Variants in MTR observed in about 807,000 individuals in gnomAD.
The protein encoded by MTR is methionine synthase.
In MTR, 84 loss-of-function variants were observed where a neutral mutation model predicts 154.8. The observed-to-expected ratio is 0.54, with a 90% CI of 0.45 to 0.65. MTR has a LOEUF of 0.65. MTR is among the 30% of genes least tolerant of loss of function. The pLI, the probability that MTR is intolerant of heterozygous loss-of-function variation, is 0.00. For synonymous variants in MTR, 554 were observed against 553.9 expected, an observed-to-expected ratio of 1.00 and a Z score of 0.00; for missense variants, 1,275 against 1,570.2, an observed-to-expected ratio of 0.81 and a Z score of 3.18.
Position 236,862,286 on chromosome 1 carries a change from T to G in MTR, c.2247T>G (p.Pro749=). The G allele has an allele frequency of 6.2e-7, 1 of 1,614,034 alleles. No individual in the cohort carries two copies. Among genetic ancestry groups the G allele is most frequent in the Non-Finnish European group, 8.5e-7 (1 of 1,179,916 alleles). Residue 749 remains proline, a synonymous_variant, in exon 21 of 33, where the codon CCT becomes CCG. Transcript: ENST00000366577. ...VMKKAVGHLI[P]FMEKEREETR... is the part of the protein sequence containing the mutation. ...AGAAGGCTGTTGGCCACCTTATCCCTTTCATGGAAAAAGAAAGAGAAGAAA... is the reference window on the plus strand; with the variant it reads ...AGAAGGCTGTTGGCCACCTTATCCCGTTCATGGAAAAAGAAAGAGAAGAAA...
intron 15 of MTR, among the ~76,000 whole-genome samples, chr1:236,844,973 C>G (rs1663485190): frequency 6.6e-6 from 1 of 152,168 alleles, no homozygotes; most frequent in Non-Finnish European, 1.5e-5. Flanking sequence ...TGAGGCCTGG[C>G]TTTAGACATT....
At chr1:236,860,127 G>C (rs919464029) in intron 19 of MTR, among the ~76,000 whole-genome samples, 3 of 126,056 alleles carry the variant, frequency 2.4e-5, no homozygotes, top group Admixed American at 1.1e-4. Context: ...AGACATTTTT[G>C]ATTGTCGTAA....
At chr1:236,844,091 A>G (rs1393464768) in intron 15 of MTR, among the ~76,000 whole-genome samples, 7 of 152,182 alleles carry the variant, frequency 4.6e-5, no homozygotes, top group Non-Finnish European at 7.4e-5. Flanking sequence ...GAGAAGAGGA[A>G]ACACCATCAG....
chr1:236,883,394 G>T (rs897513645), intron 25 of MTR, among the ~76,000 whole-genome samples: 3 of 152,168 alleles, frequency 2.0e-5, no homozygotes, highest in African/African-American at 4.8e-5. Context: ...TCATGGGGCT[G>T]TGCAAGGTGC....
intron 1 of MTR, chr1:236,800,589 A>G (rs1660649935): frequency 1.4e-6 from 1 of 694,854 alleles, no homozygotes; most frequent in South Asian, 6.4e-5. Flanking sequence ...ACATTTCCCA[A>G]CCTGCAAATA....
intron 1 of MTR, among the ~76,000 whole-genome samples, chr1:236,802,406 G>C (rs142838158): frequency 3.9e-4 from 59 of 152,252 alleles, no homozygotes; most frequent in African/African-American, 1.4e-3. Flanking sequence ...CAGGAGAGTG[G>C]TGGAGGAGGA....
At chr1:236,874,973 AAC>A in intron 24 of MTR, 127 bp downstream of exon 24, 1 of 1,092,690 alleles carries the variant, frequency 9.2e-7, no homozygotes, top group Non-Finnish European at 1.3e-6. Flanking sequence ...TTGTTATATA[AAC>A]ACAAACATTT....
rs149063280 is a variant in MTR, at chr1:236,843,299, A to G, written c.1515+4700A>G. 2.5e-3 allele frequency among the ~76,000 whole-genome samples: 377 copies of G among 151,742 alleles called. 1 individual carries two copies. The highest frequency in any genetic ancestry group is 8.1e-3 in the African/African-American group (334 of 41,392). On this transcript the variant is annotated intron_variant, in intron 15 of 32. Coordinates refer to ENST00000366577, the MANE Select transcript of MTR (RefSeq NM_000254.3). ...AATGTAGGGGAAGAGTGTTCTTTGC[A>G]GAGGGAATCTTGAGGTAGATAGATG...
intron 15 of MTR, among the ~76,000 whole-genome samples, chr1:236,840,599 C>G (rs190711839): frequency 6.6e-6 from 1 of 152,174 alleles, no homozygotes; most frequent in African/African-American, 2.4e-5. Flanking sequence ...AAAGAGCAAA[C>G]GAGGTTTCAG....
chr1:236,800,199 A>T (rs1660629105), intron 1 of MTR: 1 of 985,344 alleles, frequency 1.0e-6, no homozygotes, highest in Non-Finnish European at 1.2e-6. Context: ...GAAGAAGGAC[A>T]TGTAAATAAT....
At chr1:236,832,632 C>G (rs995075738) in intron 13 of MTR, among the ~76,000 whole-genome samples, 1 of 152,186 alleles carries the variant, frequency 6.6e-6, no homozygotes, top group African/African-American at 2.4e-5. Flanking sequence ...CAGAGCATAC[C>G]TAAGACTCCT....
intron 1 of MTR, among the ~76,000 whole-genome samples, chr1:236,799,766 G>T (rs1461454511): frequency 2.0e-5 from 3 of 150,434 alleles, no homozygotes; most frequent in African/African-American, 7.3e-5. Flanking sequence ...GAAATCCTTG[G>T]TTTTTATGTA....
Position 236,886,332 on chromosome 1 carries a change from G to A in MTR, c.2816G>A (p.Gly939Asp), listed in dbSNP as rs1666008937. 2 of 1,614,058 alleles carry A rather than the reference G, an allele frequency of 1.2e-6. No homozygotes were observed. Among genetic ancestry groups the A allele is most frequent in the African/African-American group, 2.7e-5 (2 of 74,930 alleles). Residue 939 changes from glycine to aspartate, a missense_variant, in exon 27 of 33, where the codon GGT becomes GAT. Coordinates refer to ENST00000366577, the MANE Select transcript of MTR (RefSeq NM_000254.3). ...CCCTTAAGTCAAGCCAGAAAAAGTG[G>A]TTTCCAAATGGATTGGCTGTCTGAA... is the stretch of plus-strand genomic sequence containing the variant. Reference protein sequence around the residue: ...YLPLSQARKSGFQMDWLSEPH... With the variant: ...YLPLSQARKSDFQMDWLSEPH...
At chr1:236,864,485 C>T (rs1349427957) in intron 22 of MTR, among the ~76,000 whole-genome samples, 1 of 151,708 alleles carries the variant, frequency 6.6e-6, no homozygotes, top group Non-Finnish European at 1.5e-5. Context: ...ATTTTTTTTT[C>T]CCTCTGACTG....
chr1:236,888,089 G>GGT (rs1666119512), intron 27 of MTR, among the ~76,000 whole-genome samples: 1 of 152,224 alleles, frequency 6.6e-6, no homozygotes, highest in Non-Finnish European at 1.5e-5. Context: ...AGTATGAAAA[G>GGT]GTAGAGATTT....
rs769629619 is a variant in MTR, at chr1:236,894,493, A to G, written c.3341A>G (p.Tyr1114Cys). The G allele has an allele frequency of 2.9e-5, 47 of 1,613,984 alleles. No homozygotes were observed. The highest frequency in any genetic ancestry group is 2.3e-4 in the African/African-American group (17 of 74,894). The change falls in exon 30 of 33, where the codon TAT becomes TGT. Residue 1114 changes from tyrosine to cysteine, a missense_variant. Physicochemically the swap from Tyr to Cys is radical, Grantham distance 194. Transcript: ENST00000366577. ...CFGVEELSKA[Y>C]EDDGDDYSSI... ...GGGGTAGAAGAGCTGAGCAAGGCCTATGAGGATGATGGTGACGACTACAGC... is the reference window on the plus strand; with the variant it reads ...GGGGTAGAAGAGCTGAGCAAGGCCTGTGAGGATGATGGTGACGACTACAGC...
At chr1:236,797,490 G>A (rs1032500318) in intron 1 of MTR, among the ~76,000 whole-genome samples, 3 of 152,130 alleles carry the variant, frequency 2.0e-5, no homozygotes, top group African/African-American at 7.2e-5. Context: ...GAACTCAATT[G>A]ATGAGTGATT....
intron 31 of MTR, 47 bp from the exon 32 acceptor site, chr1:236,896,959 G>A (rs990021708): frequency 7.1e-7 from 1 of 1,404,396 alleles, no homozygotes; most frequent in Non-Finnish European, 1.0e-6. Flanking sequence ...CAGGCCCTGT[G>A]CTAGACACTG....
chr1:236,824,553 C>A (rs1662171386), intron 9 of MTR, among the ~76,000 whole-genome samples: 1 of 152,198 alleles, frequency 6.6e-6, no homozygotes, highest in Non-Finnish European at 1.5e-5. Flanking sequence ...CTGGTCCACT[C>A]TGTTAGTAGA....
Sources: gnomAD v4.1 joint callset for allele counts (sites outside exome capture counted in the v4.1 genomes callset) on GRCh38, gnomAD v4.1.1 for gene constraint, MANE v1.5 for transcripts, NCBI Gene and HGNC (gene_info 2026-07-23, HGNC 2026-07-21) for gene names.